Variants in DSCAML1 observed in about 807,000 individuals in gnomAD.
The protein encoded by DSCAML1 is DS cell adhesion molecule like 1.
In DSCAML1, 38 loss-of-function variants were observed where a neutral mutation model predicts 200.5. That is an observed-to-expected ratio of 0.19 (90% CI 0.15 to 0.25). DSCAML1 has a LOEUF of 0.25. Among genes scored for constraint, DSCAML1 ranks in the 10% least tolerant of loss-of-function variants. The pLI is 1.00. For synonymous variants in DSCAML1, 1,215 were observed against 1,165.0 expected, an observed-to-expected ratio of 1.04 and a Z score of -0.87; for missense variants, 2,223 against 2,858.8, an observed-to-expected ratio of 0.78 and a Z score of 5.07.
chr11:117,666,368 A>T (rs1008739872), intron 3 of DSCAML1, among the ~76,000 whole-genome samples: 2 of 152,232 alleles, frequency 1.3e-5, no homozygotes, highest in African/African-American at 4.8e-5. Context: ...TGTGTAATCA[A>T]TGTTAGTGCC....
At chr11:117,584,788 T>G (rs139004821) in intron 3 of DSCAML1, among the ~76,000 whole-genome samples, 5 of 152,210 alleles carry the variant, frequency 3.3e-5, no homozygotes, top group African/African-American at 9.7e-5. Context: ...CATATTCAAC[T>G]GCAATATAGT....
At chr11:117,453,217 G>A (rs2048313170) in intron 19 of DSCAML1, among the ~76,000 whole-genome samples, 1 of 152,198 alleles carries the variant, frequency 6.6e-6, no homozygotes, top group South Asian at 2.1e-4. Context: ...CTACAGGCTT[G>A]AGCCACCATG....
chr11:117,685,664 G>T lies in DSCAML1; in HGVS notation c.511+91127C>A, dbSNP rs562559591. 3.9e-5 allele frequency among the ~76,000 whole-genome samples: 6 copies of T among 152,342 alleles called. No individual in the cohort carries two copies. The East Asian group carries it at 9.7e-4, about 25-fold the overall frequency. On this transcript the variant is annotated intron_variant, in intron 3 of 32. Transcript: ENST00000651296. ...TTGTGAGCTCTGAGCTCCCCGGGAG[G>T]AGACGGAAAGCACGCGTACCTCTGG...
Position 117,590,064 on chromosome 11 carries a change from A to G in DSCAML1, c.512-57542T>C, listed in dbSNP as rs112753733. Reference sequence around the variant, plus strand: ...CTATCTGCATTGTTATTTATTTAATATGTTTTTCAAAATCTACCTTAAATC... The same window carrying G: ...CTATCTGCATTGTTATTTATTTAATGTGTTTTTCAAAATCTACCTTAAATC... On this transcript the variant is annotated intron_variant, in intron 3 of 32. Coordinates refer to ENST00000651296, the MANE Select transcript of DSCAML1 (RefSeq NM_020693.4). Among the ~76,000 whole-genome samples the G allele has an allele frequency of 6.5e-3, 997 of 152,288 alleles. 12 individuals carry two copies. Among genetic ancestry groups the G allele is most frequent in the African/African-American group, 0.023 (958 of 41,560 alleles).
chr11:117,555,675 C>T (rs887848672), intron 3 of DSCAML1, among the ~76,000 whole-genome samples: 2 of 152,004 alleles, frequency 1.3e-5, no homozygotes, highest in Non-Finnish European at 2.9e-5. Flanking sequence ...AGGGGTTTGG[C>T]GGGTGATGAA....
At chr11:117,628,764 T>G (rs1028993742) in intron 3 of DSCAML1, among the ~76,000 whole-genome samples, 1 of 152,274 alleles carries the variant, frequency 6.6e-6, no homozygotes, top group East Asian at 1.9e-4. Context: ...CCTCCTACAC[T>G]CTCATCTAGA....
At chr11:117,669,592 A>C (rs980900656) in intron 3 of DSCAML1, among the ~76,000 whole-genome samples, 1 of 152,238 alleles carries the variant, frequency 6.6e-6, no homozygotes, top group Non-Finnish European at 1.5e-5. Context: ...GTAGTTAGGA[A>C]GACCAGATTA....
intron 3 of DSCAML1, among the ~76,000 whole-genome samples, chr11:117,759,589 G>C (rs1385743810): frequency 6.6e-6 from 1 of 152,012 alleles, no homozygotes; most frequent in Admixed American, 6.6e-5. Context: ...CCATGAGGGC[G>C]ATCATCCGGG....
At chr11:117,460,169 C>G (rs1054380347) in intron 18 of DSCAML1, among the ~76,000 whole-genome samples, 1 of 152,232 alleles carries the variant, frequency 6.6e-6, no homozygotes, top group Non-Finnish European at 1.5e-5. Flanking sequence ...AGGGAACCAC[C>G]CTTTACTTGG....
chr11:117,747,274 T>C (rs2054533329), intron 3 of DSCAML1, among the ~76,000 whole-genome samples: 1 of 152,220 alleles, frequency 6.6e-6, no homozygotes. Context: ...TTTAAAAATT[T>C]TCTTTTCTTT....
chr11:117,472,294 C>T (rs1233503747), intron 14 of DSCAML1, among the ~76,000 whole-genome samples: 2 of 152,116 alleles, frequency 1.3e-5, no homozygotes, highest in Admixed American at 6.5e-5. Context: ...AGAGGTCGGA[C>T]GAGACGTTCC....
intron 1 of DSCAML1, among the ~76,000 whole-genome samples, chr11:117,795,291 A>C (rs992831224): frequency 2.6e-5 from 4 of 152,146 alleles, no homozygotes; most frequent in African/African-American, 9.7e-5. Context: ...TTCTCGCCTG[A>C]CAAATTGCGA....
At chr11:117,435,306 G>A (rs966012529) in intron 27 of DSCAML1, among the ~76,000 whole-genome samples, 3 of 152,240 alleles carry the variant, frequency 2.0e-5, no homozygotes, top group African/African-American at 4.8e-5. Context: ...TCCCGTGAGA[G>A]GGGATGAAGC....
At chr11:117,462,871 T>C (rs1592615380) in intron 17 of DSCAML1, among the ~76,000 whole-genome samples, 2 of 152,238 alleles carry the variant, frequency 1.3e-5, no homozygotes, top group East Asian at 3.8e-4. Context: ...CAAATGCTGC[T>C]GGAAACTTTC....
intron 27 of DSCAML1, 26 bp from the exon 28 acceptor site, chr11:117,433,497 G>C: frequency 6.2e-7 from 1 of 1,610,252 alleles, no homozygotes; most frequent in South Asian, 1.1e-5. Context: ...GGGAGAGGAG[G>C]GCTGGGTGAG....
At chr11:117,560,174 G>A (rs1407595455) in intron 3 of DSCAML1, among the ~76,000 whole-genome samples, 1 of 152,172 alleles carries the variant, frequency 6.6e-6, no homozygotes, top group Non-Finnish European at 1.5e-5. Flanking sequence ...CATTTTATTA[G>A]TGATGGTGAT....
rs182457231 is a variant in DSCAML1, at chr11:117,687,291, C to T, written c.511+89500G>A. Among the ~76,000 whole-genome samples the T allele has an allele frequency of 4.9e-4, 74 of 152,210 alleles. 1 individual carries two copies. In the East Asian group the frequency reaches 0.01, roughly 21 times the overall value. On this transcript the variant is annotated intron_variant, in intron 3 of 32. Coordinates refer to ENST00000651296, the MANE Select transcript of DSCAML1 (RefSeq NM_020693.4). ...TTTAATTTTTTTAGAGACAAGATCT[C>T]GCTCTGTAACCCAGGCTGGAGTGCA...
At chr11:117,434,688 T>G (rs2047874897) in intron 27 of DSCAML1, among the ~76,000 whole-genome samples, 1 of 151,998 alleles carries the variant, frequency 6.6e-6, no homozygotes, top group African/African-American at 2.4e-5. Flanking sequence ...CAGCCATCCT[T>G]CTATCTATAC....
At chr11:117,442,090 G>A (rs1343121935) in intron 21 of DSCAML1, among the ~76,000 whole-genome samples, 2 of 146,048 alleles carry the variant, frequency 1.4e-5, no homozygotes, top group African/African-American at 4.9e-5. Flanking sequence ...GCACATGCAT[G>A]TGAGTGCATG....
Sources: allele counts gnomAD v4.1 joint callset (sites outside exome capture counted in the v4.1 genomes callset), GRCh38; gene constraint gnomAD v4.1.1; transcripts MANE v1.5; gene names NCBI Gene and HGNC (gene_info 2026-07-23, HGNC 2026-07-21).